FER1L6: variants seen among roughly 807,000 people sequenced by gnomAD.
The protein encoded by FER1L6 is fer-1-like protein 6.
In FER1L6, 177 loss-of-function variants were observed where a neutral mutation model predicts 219.2. The ratio of observed to expected loss-of-function variants is 0.81; its 90% CI spans 0.71 to 0.91. The LOEUF (loss-of-function observed/expected upper bound fraction) is 0.91, where lower values mean the gene tolerates loss of function less well. Ranked by LOEUF, FER1L6 falls within the 40% of genes least tolerant of loss-of-function variation. FER1L6 has a pLI of 0.00. For synonymous variants in FER1L6, 768 were observed against 824.3 expected, an observed-to-expected ratio of 0.93 and a Z score of 1.17; for missense variants, 2,153 against 2,259.9, an observed-to-expected ratio of 0.95 and a Z score of 0.96.
chr8:124,081,448 G>T (rs533425337), intron 32 of FER1L6, among the ~76,000 whole-genome samples: 2 of 152,154 alleles, frequency 1.3e-5, no homozygotes, highest in South Asian at 4.2e-4. Flanking sequence ...CCTGATTGAT[G>T]ATCTTGGGCA....
chr8:123,971,495 C>T (rs565746678), intron 6 of FER1L6, among the ~76,000 whole-genome samples: 66 of 152,292 alleles, frequency 4.3e-4, no homozygotes, highest in African/African-American at 1.3e-3. Flanking sequence ...TATATTGTGC[C>T]ATAGACCAGG....
Position 123,864,803 on chromosome 8 carries a change from AG to A in FER1L6, c.-8+12619del, listed in dbSNP as rs1337227642. ...CCTGAGGCTTCTGCATTCTTCACGT[AG>A]TTCTCAAGCCTTGGTTTTCAGCTCC... is the stretch of plus-strand genomic sequence containing the variant. On this transcript the variant is annotated intron_variant, in intron 1 of 40. Transcript: ENST00000522917. 1.3e-4 allele frequency among the ~76,000 whole-genome samples: 19 copies of A among 150,564 alleles called. 1 individual carries two copies. The highest frequency in any genetic ancestry group is 4.3e-4 in the African/African-American group (17 of 39,972).
rs1489055884 is a variant in FER1L6 at position 124,066,444 on chromosome 8, C to T, written c.3572C>T (p.Ser1191Phe). Reference protein sequence around the residue: ...DGKPKDPRKPSRRSTKRRKRT... With the variant: ...DGKPKDPRKPFRRSTKRRKRT... ...CCTTGCCAGGATCCCAGGAAGCCTT[C>T]CCGGAGGTCCACTAAGAGGAGAAAG... The change falls in exon 27 of 41, where the codon TCC becomes TTC. Residue 1191 changes from serine to phenylalanine, a missense_variant. By Grantham distance (155) the Ser-to-Phe change is radical. Transcript: ENST00000522917. 1 of 1,613,880 alleles carries T rather than the reference C, an allele frequency of 6.2e-7. No individual in the cohort carries two copies. The highest frequency in any genetic ancestry group is 1.1e-5 in the South Asian group (1 of 91,058).
chr8:123,854,562 G>T (rs986641799), intron 1 of FER1L6, among the ~76,000 whole-genome samples: 1 of 152,238 alleles, frequency 6.6e-6, no homozygotes, highest in East Asian at 1.9e-4. Context: ...AGGGCCAATG[G>T]AGGAGGTGTT....
At chr8:123,916,293 C>T (rs1404413169) in intron 1 of FER1L6, among the ~76,000 whole-genome samples, 2 of 152,212 alleles carry the variant, frequency 1.3e-5, no homozygotes, top group Non-Finnish European at 2.9e-5. Context: ...TTACTGTCTT[C>T]CAGATTCTTG....
chr8:124,004,424 C>G (rs1181129066), intron 13 of FER1L6, among the ~76,000 whole-genome samples: 1 of 152,066 alleles, frequency 6.6e-6, no homozygotes, highest in Non-Finnish European at 1.5e-5. Context: ...GTTGTATGGC[C>G]CTGACACAGC....
intron 32 of FER1L6, among the ~76,000 whole-genome samples, chr8:124,080,365 T>C (rs1821486844): frequency 6.6e-6 from 1 of 152,110 alleles, no homozygotes; most frequent in African/African-American, 2.4e-5. Flanking sequence ...TCGCCCAGGC[T>C]GGAGTGCAGT....
rs201559769 is a variant in FER1L6, at chr8:124,091,449, C to A, written c.4418C>A (p.Thr1473Lys). Residue 1473 changes from threonine to lysine, a missense_variant, in exon 34 of 41, where the codon ACG (threonine) becomes AAG (lysine). By Grantham distance (78) the Thr-to-Lys change is moderately conservative. Transcript: ENST00000522917. ...EIEGYNAWRD[T>K]SKPTEILTKL... ...GAAGGATACAATGCCTGGAGAGACA[C>A]GTCCAAACCCACCGAAATCCTCACT... 1 of 1,613,328 alleles carries A rather than the reference C, an allele frequency of 6.2e-7. No homozygotes were observed. The highest frequency in any genetic ancestry group is 2.2e-5 in the East Asian group (1 of 44,804).
intron 1 of FER1L6, among the ~76,000 whole-genome samples, chr8:123,865,483 C>T (rs1466073379): frequency 1.3e-5 from 2 of 151,458 alleles, no homozygotes; most frequent in African/African-American, 4.9e-5. Context: ...GGCATGCAGA[C>T]CTCCTTGAGC....
intron 12 of FER1L6, among the ~76,000 whole-genome samples, chr8:123,995,490 C>T (rs1387545360): frequency 6.6e-6 from 1 of 152,002 alleles, no homozygotes; most frequent in Non-Finnish European, 1.5e-5. Flanking sequence ...TCTAATGATT[C>T]TTTGAATTTT....
At position 123,973,426 on chromosome 8, in the gene FER1L6, C is replaced by T. The variant is rs1815910946; in HGVS notation, c.448-8C>T. Reference sequence around the variant, plus strand: ...ATCTGCCATACTCCCTGCTCTCTCTCTCCTCAGGTCTTTCACCACAAGCTG... The same window carrying T: ...ATCTGCCATACTCCCTGCTCTCTCTTTCCTCAGGTCTTTCACCACAAGCTG... On this transcript the variant is annotated splice_region_variant and splice_polypyrimidine_tract_variant and intron_variant, in intron 6 of 40. Coordinates refer to ENST00000522917, the MANE Select transcript of FER1L6 (RefSeq NM_001039112.2). The T allele has an allele frequency of 6.2e-7, 1 of 1,611,160 alleles. No homozygotes were observed. Among genetic ancestry groups the T allele is most frequent in the Non-Finnish European group, 8.5e-7 (1 of 1,177,278 alleles).
chr8:124,090,163 G>A (rs189137662), intron 33 of FER1L6, among the ~76,000 whole-genome samples: 79 of 152,246 alleles, frequency 5.2e-4, no homozygotes, highest in African/African-American at 1.8e-3. Flanking sequence ...AATTTACACC[G>A]TAACAGACTC....
At chr8:124,058,104 G>A (rs1820392617) in intron 22 of FER1L6, among the ~76,000 whole-genome samples, 1 of 152,198 alleles carries the variant, frequency 6.6e-6, no homozygotes, top group African/African-American at 2.4e-5. Context: ...TACTAAAGAT[G>A]AGAAATAATA....
intron 1 of FER1L6, among the ~76,000 whole-genome samples, chr8:123,951,796 G>A (rs1031455843): frequency 6.6e-6 from 1 of 152,194 alleles, no homozygotes; most frequent in African/African-American, 2.4e-5. Flanking sequence ...GCCCCGTACT[G>A]GGTGTTATGG....
At chr8:123,928,882 G>A (rs1287927469) in intron 1 of FER1L6, among the ~76,000 whole-genome samples, 1 of 152,168 alleles carries the variant, frequency 6.6e-6, no homozygotes. Flanking sequence ...CTGATATGCT[G>A]TTGAGAATAG....
intron 39 of FER1L6, among the ~76,000 whole-genome samples, chr8:124,107,625 C>T (rs1822835636): frequency 6.6e-6 from 1 of 152,140 alleles, no homozygotes; most frequent in Non-Finnish European, 1.5e-5. Flanking sequence ...TTGCCAGAGC[C>T]TAGGTATGTC....
At chr8:124,050,505 A>C (rs1412664441) in intron 22 of FER1L6, among the ~76,000 whole-genome samples, 1 of 152,150 alleles carries the variant, frequency 6.6e-6, no homozygotes, top group Non-Finnish European at 1.5e-5. Context: ...CCTGTATCAG[A>C]GATTTCTCCC....
At chr8:124,017,409 G>A (rs1818248126) in intron 15 of FER1L6, among the ~76,000 whole-genome samples, 1 of 152,082 alleles carries the variant, frequency 6.6e-6, no homozygotes, top group Non-Finnish European at 1.5e-5. Flanking sequence ...AAAAAAATCT[G>A]TTCCCCAAAA....
chr8:123,883,249 T>G (rs957253717), intron 1 of FER1L6, among the ~76,000 whole-genome samples: 9 of 152,158 alleles, frequency 5.9e-5, no homozygotes, highest in African/African-American at 1.9e-4. Flanking sequence ...ATTCCCTGTG[T>G]CTTGCCCAGG....
Sources: allele counts gnomAD v4.1 joint callset (sites outside exome capture counted in the v4.1 genomes callset), GRCh38; gene constraint gnomAD v4.1.1; transcripts MANE v1.5; gene names NCBI Gene and HGNC (gene_info 2026-07-23, HGNC 2026-07-21).